ASF1A: variants seen among roughly 807,000 people sequenced by gnomAD.
ASF1A encodes histone chaperone ASF1A.
In ASF1A, 5 loss-of-function variants were observed where a neutral mutation model predicts 22.0. The observed-to-expected ratio is 0.23, with a 90% CI of 0.12 to 0.48. The LOEUF (loss-of-function observed/expected upper bound fraction) is 0.48. Ranked by LOEUF, ASF1A falls within the 20% of genes least tolerant of loss-of-function variation. ASF1A has a pLI of 0.99. For missense variants in ASF1A, 137 were observed against 240.6 expected (o/e 0.57, Z 2.85); for synonymous variants, 97 against 86.7 (o/e 1.12, Z -0.66).
chr6:118,901,848 C>T (rs1779815684), intron 2 of ASF1A, among the ~76,000 whole-genome samples: 1 of 152,180 alleles, frequency 6.6e-6, no homozygotes, highest in Admixed American at 6.5e-5. Context: ...TATGCCTGAC[C>T]TCTGTTTTCT....
intron 3 of ASF1A, 38 bp downstream of exon 3, chr6:118,905,866 A>C (rs979336823): frequency 3.4e-6 from 5 of 1,468,266 alleles, no homozygotes; most frequent in Non-Finnish European, 4.6e-6. Context: ...TACTTTTACT[A>C]TGCAATTTTT....
At chr6:118,897,989 C>T (rs1366881466) in intron 1 of ASF1A, among the ~76,000 whole-genome samples, 1 of 152,190 alleles carries the variant, frequency 6.6e-6, no homozygotes. Flanking sequence ...TCTCCATCTC[C>T]TCTGCTCTCA....
Position 118,908,536 on chromosome 6 carries a change from G to A in ASF1A, c.*922G>A, listed in dbSNP as rs1030174209. On this transcript the variant is annotated 3_prime_UTR_variant, in exon 4 of 4. Transcript: ENST00000229595. ...TATTTAGCTTTATTATAATAGATAC[G>A]TTACTATTTTGGAAATATATATATT... The A allele has an allele frequency of 6.6e-5, 10 of 151,848 alleles. No homozygotes were observed. The highest frequency in any genetic ancestry group is 3.3e-4 in the Admixed American group (5 of 15,242). The allele number at this position is 151,848 out of a possible 1,614,324, so 9.4% of individuals were successfully genotyped here. A position where few individuals can be genotyped will look rare whatever the true frequency, so the allele number is the denominator to read the frequency against.
intron 3 of ASF1A, 31 bp downstream of exon 3, chr6:118,905,859 T>TAAATGAAAGTACCTC: frequency 1.3e-6 from 2 of 1,487,260 alleles, no homozygotes; most frequent in Non-Finnish European, 1.8e-6. Context: ...TTTTAACTAC[T>TAAATGAAAGTACCTC]TTTACTATGC....
chr6:118,894,394 G>GT lies in ASF1A; in HGVS notation c.-17dup, dbSNP rs1227933459. 1 of 1,536,756 alleles carries GT rather than the reference G, an allele frequency of 6.5e-7. No individual in the cohort carries two copies. Among genetic ancestry groups the GT allele is most frequent in the African/African-American group, 1.4e-5 (1 of 73,014 alleles). On this transcript the variant is annotated 5_prime_UTR_variant, in exon 1 of 4. Transcript: ENST00000229595. Reference sequence around the variant, plus strand: ...GCCGCAACCAGCCCCAGTTCCCATTGTTTGTGTTTTTTTCAAAATATGGCA... The same window carrying GT: ...GCCGCAACCAGCCCCAGTTCCCATTGTTTTGTGTTTTTTTCAAAATATGGCA...
At chr6:118,901,143 C>T in intron 2 of ASF1A, 1 of 281,228 alleles carries the variant, frequency 3.6e-6, no homozygotes. Context: ...TATACTGTAT[C>T]ATGGCACACA....
intron 1 of ASF1A, among the ~76,000 whole-genome samples, chr6:118,897,933 A>T (rs9489535): frequency 0.057 from 8,721 of 152,224 alleles, 361 homozygotes; most frequent in East Asian, 0.19. Context: ...ATCAATGTAC[A>T]AGTGTTCCCT....
intron 2 of ASF1A, among the ~76,000 whole-genome samples, chr6:118,902,114 T>C (rs970516595): frequency 7.2e-5 from 11 of 152,212 alleles, no homozygotes; most frequent in Non-Finnish European, 1.5e-4. Context: ...TTAAAAGTGC[T>C]GTTAATCAAA....
chr6:118,894,643 CG>C, intron 1 of ASF1A, 121 bp downstream of exon 1: 1 of 840,722 alleles, frequency 1.2e-6, no homozygotes, highest in East Asian at 2.7e-5. Flanking sequence ...GGCTGCTCTG[CG>C]GAGGGAAACT....
intron 2 of ASF1A, 131 bp from the exon 3 acceptor site, chr6:118,905,521 T>C (rs1780122575): frequency 1.6e-6 from 1 of 640,058 alleles, no homozygotes; most frequent in Non-Finnish European, 2.6e-6. Context: ...GCATTTTCCT[T>C]CCCAGTATGA....
At chr6:118,897,340 G>A (rs1023421005) in intron 1 of ASF1A, among the ~76,000 whole-genome samples, 2 of 151,902 alleles carry the variant, frequency 1.3e-5, no homozygotes, top group Non-Finnish European at 2.9e-5. Flanking sequence ...TCTAATATAG[G>A]GCTTATATCA....
intron 1 of ASF1A, among the ~76,000 whole-genome samples, chr6:118,896,019 T>G (rs1779379061): frequency 6.6e-6 from 1 of 151,036 alleles, no homozygotes; most frequent in Admixed American, 6.6e-5. Context: ...TAATCACAAT[T>G]ATTACTTTAA....
intron 1 of ASF1A, among the ~76,000 whole-genome samples, chr6:118,895,228 G>A (rs1454875416): frequency 2.0e-5 from 3 of 151,900 alleles, no homozygotes; most frequent in Non-Finnish European, 2.9e-5. Context: ...GCTCCCCGGG[G>A]GCCGTGGGTC....
At chr6:118,898,432 T>TG (rs1779584013) in intron 1 of ASF1A, among the ~76,000 whole-genome samples, 1 of 151,768 alleles carries the variant, frequency 6.6e-6, no homozygotes, top group East Asian at 1.9e-4. Context: ...ATAATTTTTT[T>TG]TTTTTTTTTT....
Position 118,894,272 on chromosome 6 carries a change from G to A in ASF1A, c.-142G>A. On this transcript the variant is annotated 5_prime_UTR_variant, in exon 1 of 4. Coordinates refer to ENST00000229595, the MANE Select transcript of ASF1A (RefSeq NM_014034.3). The stretch of plus-strand genomic sequence containing the variant: ...GAGTGCTCCCGTGTAAATAAAAAGA[G>A]GAAAAAAGTTTCTCAAGTCGCCGCT... 2.7e-6 allele frequency: 4 copies of A among 1,462,408 alleles called. No homozygotes were observed. The highest frequency in any genetic ancestry group is 3.6e-6 in the Non-Finnish European group (4 of 1,113,838). 90.6% of individuals were successfully genotyped at this position (1,462,408 alleles called of 1,614,324 possible).
At chr6:118,904,819 T>C (rs1780060091) in intron 2 of ASF1A, among the ~76,000 whole-genome samples, 1 of 152,184 alleles carries the variant, frequency 6.6e-6, no homozygotes, top group Non-Finnish European at 1.5e-5. Context: ...GCTATGTAGC[T>C]ATTTCCATCT....
rs1341504353 is a variant in ASF1A at position 118,905,834 on chromosome 6, G to C, written c.402+6G>C. Reference sequence around the variant, plus strand: ...TAAAACCAGACTTTTCTAAGGTAATGTTCTTACTATTCCTTTTTAACTACT... The same window carrying C: ...TAAAACCAGACTTTTCTAAGGTAATCTTCTTACTATTCCTTTTTAACTACT... On this transcript the variant is annotated splice_donor_region_variant and intron_variant, in intron 3 of 3. Coordinates refer to ENST00000229595, the MANE Select transcript of ASF1A (RefSeq NM_014034.3). The C allele has an allele frequency of 6.3e-7, 1 of 1,575,198 alleles. No homozygotes were observed. Among genetic ancestry groups the C allele is most frequent in the East Asian group, 2.3e-5 (1 of 44,294 alleles).
At position 118,908,621 on chromosome 6, in the gene ASF1A, A is replaced by G. The variant is rs748191254; in HGVS notation, c.*1007A>G. The G allele has an allele frequency of 3.3e-5, 5 of 152,164 alleles. No individual in the cohort carries two copies. Among genetic ancestry groups the G allele is most frequent in the Non-Finnish European group, 7.4e-5 (5 of 67,978 alleles). The allele number at this position is 152,164 out of a possible 1,614,324, so 9.4% of individuals were successfully genotyped here. ...ACACTCATGCAGAATGAGATCAGGC[A>G]TATTTGTGGTTGACATACTCTAGAT... On this transcript the variant is annotated 3_prime_UTR_variant, in exon 4 of 4. Transcript: ENST00000229595.
chr6:118,905,625 G>GTT (rs1562432340), intron 2 of ASF1A, 27 bp from the exon 3 acceptor site: 8 of 1,566,754 alleles, frequency 5.1e-6, no homozygotes, highest in Non-Finnish European at 6.9e-6. Flanking sequence ...GTGTGTGTGT[G>GTT]TTTCTTTTCT....
Sources: gnomAD v4.1 joint callset for allele counts (sites outside exome capture counted in the v4.1 genomes callset) on GRCh38, gnomAD v4.1.1 for gene constraint, MANE v1.5 for transcripts, NCBI Gene and HGNC (gene_info 2026-07-23, HGNC 2026-07-21) for gene names.